ZNF423: variants seen among roughly 807,000 people sequenced by gnomAD.
ZNF423 encodes the protein Ebf-associated zinc finger protein.
In ZNF423, 12 loss-of-function variants were observed where a neutral mutation model predicts 95.8. The ratio of observed to expected loss-of-function variants is 0.13; its 90% CI spans 0.08 to 0.20. The LOEUF (loss-of-function observed/expected upper bound fraction) is 0.20, where lower values mean the gene tolerates loss of function less well. Ranked by LOEUF, ZNF423 falls within the 10% of genes least tolerant of loss-of-function variation. ZNF423 has a pLI of 1.00. For synonymous variants in ZNF423, 749 were observed against 711.9 expected (o/e 1.05, Z -0.83); for missense variants, 1,316 against 1,737.1 (o/e 0.76, Z 4.31).
intron 2 of ZNF423, among the ~76,000 whole-genome samples, chr16:49,746,531 G>A (rs1596961356): frequency 6.6e-6 from 1 of 152,246 alleles, no homozygotes; most frequent in East Asian, 1.9e-4. Flanking sequence ...TGGCTGGAGA[G>A]CAGTGGCACA....
At chr16:49,738,084 C>T (rs1166732185) in intron 2 of ZNF423, among the ~76,000 whole-genome samples, 1 of 152,182 alleles carries the variant, frequency 6.6e-6, no homozygotes, top group Non-Finnish European at 1.5e-5. Flanking sequence ...GGTCAACAAT[C>T]ACACGCACTC....
intron 7 of ZNF423, among the ~76,000 whole-genome samples, chr16:49,500,484 C>T (rs1967351765): frequency 2.6e-5 from 4 of 152,144 alleles, no homozygotes; most frequent in Admixed American, 2.6e-4. Flanking sequence ...GTGCACAGTC[C>T]CCTGCCCTAA....
rs181502052 is a variant in ZNF423, at chr16:49,848,926, G to C, written c.40+6809C>G. Among the ~76,000 whole-genome samples the C allele has an allele frequency of 1.1e-4, 17 of 152,312 alleles. No individual in the cohort carries two copies. The East Asian group carries it at 3.3e-3, about 29-fold the overall frequency. On this transcript the variant is annotated intron_variant, in intron 1 of 7. Transcript: ENST00000563137. ...AGGTCACTGCTTCTTGGATGACCAG[G>C]TTTAGAGAACTAAGGAATTAGGGTT...
intron 1 of ZNF423, among the ~76,000 whole-genome samples, chr16:49,835,363 C>A (rs2144072530): frequency 6.6e-6 from 1 of 152,314 alleles, no homozygotes; most frequent in Non-Finnish European, 1.5e-5. Context: ...CGGTGCCAGG[C>A]CAAGTCAGGC....
intron 5 of ZNF423, among the ~76,000 whole-genome samples, chr16:49,596,845 T>C (rs1180059568): frequency 6.6e-6 from 1 of 152,126 alleles, no homozygotes; most frequent in African/African-American, 2.4e-5. Flanking sequence ...TCCCACCTCT[T>C]CACCCCCTAG....
At chr16:49,611,666 C>G (rs984576862) in intron 5 of ZNF423, among the ~76,000 whole-genome samples, 3 of 151,770 alleles carry the variant, frequency 2.0e-5, no homozygotes, top group African/African-American at 7.3e-5. Context: ...AAACAGAAAA[C>G]AGTAAAACAA....
At chr16:49,535,778 AAAGC>A in intron 5 of ZNF423, among the ~76,000 whole-genome samples, 1 of 152,178 alleles carries the variant, frequency 6.6e-6, no homozygotes, top group Non-Finnish European at 1.5e-5. Context: ...CCACTAGGTA[AAAGC>A]AAGTAGCTTA....
At chr16:49,839,090 C>G (rs1334729247) in intron 1 of ZNF423, among the ~76,000 whole-genome samples, 1 of 150,712 alleles carries the variant, frequency 6.6e-6, no homozygotes, top group Non-Finnish European at 1.5e-5. Flanking sequence ...CAACTGCCAC[C>G]CCACCCTGGA....
chr16:49,594,249 T>G (rs1191498646), intron 5 of ZNF423, among the ~76,000 whole-genome samples: 1 of 152,084 alleles, frequency 6.6e-6, no homozygotes, highest in African/African-American at 2.4e-5. Flanking sequence ...TTCCCTCCCA[T>G]GCGCCATCCC....
chr16:49,798,747 C>G (rs2034537599), intron 1 of ZNF423, among the ~76,000 whole-genome samples: 1 of 152,178 alleles, frequency 6.6e-6, no homozygotes, highest in Admixed American at 6.5e-5. Context: ...TGACTTTCTC[C>G]TTAAACTGAC....
At chr16:49,793,544 A>G (rs1430868787) in intron 1 of ZNF423, among the ~76,000 whole-genome samples, 1 of 152,102 alleles carries the variant, frequency 6.6e-6, no homozygotes, top group East Asian at 1.9e-4. Context: ...AGAGATACAC[A>G]CCCCACCCTA....
intron 3 of ZNF423, among the ~76,000 whole-genome samples, chr16:49,727,322 G>A (rs953927254): frequency 1.3e-5 from 2 of 152,112 alleles, no homozygotes; most frequent in Non-Finnish European, 2.9e-5. Context: ...CACAGAGGCC[G>A]GGCTCCAGGT....
In ZNF423 at chr16:49,603,453, C is replaced by G. The variant is rs527492096; in HGVS notation, c.3601+22717G>C. Among the ~76,000 whole-genome samples the G allele has an allele frequency of 3.9e-5, 6 of 152,276 alleles. No individual in the cohort carries two copies. The highest frequency in any genetic ancestry group is 1.9e-4 in the East Asian group (1 of 5,166). On this transcript the variant is annotated intron_variant, in intron 5 of 7. Transcript: ENST00000563137. This position sits in a 1 kb window ranked among gnomAD's most constrained non-coding sequence, Gnocchi z 4.1. ...AGACGAAGTCTCACTCTTGTCCCCC[C>G]GGCTGGAGTGCAGTGGTGTGATCTC...
intron 5 of ZNF423, among the ~76,000 whole-genome samples, chr16:49,587,423 G>A (rs752459434): frequency 3.0e-4 from 46 of 152,182 alleles, no homozygotes; most frequent in Non-Finnish European, 5.4e-4. Context: ...GGAAGAGTGA[G>A]GCTATGAACA....
intron 2 of ZNF423, among the ~76,000 whole-genome samples, chr16:49,777,029 G>A (rs1221310120): frequency 6.6e-6 from 1 of 152,068 alleles, no homozygotes. Flanking sequence ...TGCGCACTAT[G>A]GGTATGTTGG....
intron 1 of ZNF423, among the ~76,000 whole-genome samples, chr16:49,803,060 G>A (rs1436315806): frequency 1.3e-5 from 2 of 151,962 alleles, no homozygotes; most frequent in African/African-American, 4.8e-5. Flanking sequence ...TTCGAGACCA[G>A]CCTAGGCAAC....
At chr16:49,513,672 T>C (rs757592555) in intron 7 of ZNF423, among the ~76,000 whole-genome samples, 24 of 55,820 alleles carry the variant, frequency 4.3e-4, no homozygotes, top group South Asian at 2.8e-3. Flanking sequence ...GATGGATGGA[T>C]GGACGGACGG....
intron 5 of ZNF423, among the ~76,000 whole-genome samples, chr16:49,589,849 C>G (rs1970952207): frequency 6.6e-6 from 1 of 151,904 alleles, no homozygotes; most frequent in Non-Finnish European, 1.5e-5. Context: ...ACGGCACATT[C>G]CTCGCCATAA....
At chr16:49,612,374 T>A (rs1971753128) in intron 5 of ZNF423, among the ~76,000 whole-genome samples, 1 of 147,034 alleles carries the variant, frequency 6.8e-6, no homozygotes, top group African/African-American at 2.5e-5. Flanking sequence ...ATTAACATAC[T>A]TAAGAAAAAG....
Sources: allele counts gnomAD v4.1 joint callset (sites outside exome capture counted in the v4.1 genomes callset), GRCh38; gene constraint gnomAD v4.1.1; non-coding constraint Gnocchi (gnomAD v3.1); transcripts MANE v1.5; gene names NCBI Gene and HGNC (gene_info 2026-07-23, HGNC 2026-07-21).